Variants in SDK1 observed in about 807,000 individuals in gnomAD.
SDK1 encodes protein sidekick-1.
A neutral mutation model predicts 245.5 loss-of-function variants in SDK1; 157 were observed. That is an observed-to-expected ratio of 0.64 (90% confidence interval 0.56 to 0.73). The LOEUF is 0.73. Among genes scored for constraint, SDK1 ranks in the 30% least tolerant of loss-of-function variants. The pLI is 0.00. For missense variants in SDK1, 3,583 were observed against 3,002.3 expected, an observed-to-expected ratio of 1.19 and a Z score of -4.52; for synonymous variants, 1,647 against 1,278.5, an observed-to-expected ratio of 1.29 and a Z score of -6.15.
intron 5 of SDK1, among the ~76,000 whole-genome samples, chr7:3,862,061 C>T (rs1328366635): frequency 1.3e-5 from 2 of 152,224 alleles, no homozygotes; most frequent in African/African-American, 4.8e-5. Flanking sequence ...GAAAAAGCTC[C>T]TTGCCAATGG....
At chr7:3,987,361 C>T (rs973343223) in intron 14 of SDK1, 39 bp downstream of exon 14, 2 of 1,606,822 alleles carry the variant, frequency 1.2e-6, no homozygotes, top group East Asian at 4.5e-5. Context: ...GGACGATAAT[C>T]AGATTTTTGT....
chr7:3,902,202 A>G (rs1313852343), intron 5 of SDK1, among the ~76,000 whole-genome samples: 1 of 151,986 alleles, frequency 6.6e-6, no homozygotes, highest in African/African-American at 2.4e-5. Context: ...GCGCGTGTGC[A>G]TGTGTGTGTG....
intron 1 of SDK1, among the ~76,000 whole-genome samples, chr7:3,607,701 G>A (rs1196004282): frequency 6.6e-6 from 1 of 152,196 alleles, no homozygotes; most frequent in African/African-American, 2.4e-5. Context: ...ATTTATGTGT[G>A]TTATTTAGAA....
Position 3,866,590 on chromosome 7 carries a change from C to T in SDK1, c.847+45007C>T, listed in dbSNP as rs73312023. Among the ~76,000 whole-genome samples the T allele has an allele frequency of 6.5e-3, 990 of 152,262 alleles. 11 individuals carry two copies. The highest frequency in any genetic ancestry group is 0.022 in the African/African-American group (910 of 41,562). On this transcript the variant is annotated intron_variant, in intron 5 of 44. Coordinates refer to ENST00000404826, the MANE Select transcript of SDK1 (RefSeq NM_152744.4). The stretch of plus-strand genomic sequence containing the variant: ...TGAGGAGAGGCTCTCCAGAACAGTG[C>T]ATGCACGCACTAGTTTTCATGCAAT...
intron 4 of SDK1, among the ~76,000 whole-genome samples, chr7:3,714,565 T>C (rs957057115): frequency 1.3e-5 from 2 of 152,238 alleles, no homozygotes; most frequent in African/African-American, 4.8e-5. Context: ...AGTGGTGATA[T>C]TAGCATTACT....
chr7:3,619,319 A>C (rs1195744155), intron 2 of SDK1, 80 bp downstream of exon 2: 10 of 1,157,536 alleles, frequency 8.6e-6, no homozygotes, highest in Non-Finnish European at 1.2e-5. Context: ...ATAATAGCAC[A>C]ATGAGTGAAA....
chr7:3,701,794 G>T (rs1276652994), intron 4 of SDK1, among the ~76,000 whole-genome samples: 2 of 152,012 alleles, frequency 1.3e-5, no homozygotes, highest in Admixed American at 6.6e-5. Context: ...CAATGGAACA[G>T]AATGGGGAAC....
At chr7:4,155,241 C>T (rs146885644) in intron 30 of SDK1, among the ~76,000 whole-genome samples, 70 of 151,894 alleles carry the variant, frequency 4.6e-4, no homozygotes, top group African/African-American at 1.6e-3. Context: ...CCCCCAGATC[C>T]GCATTTTGTG....
At chr7:3,930,053 C>G (rs1779918047) in intron 5 of SDK1, among the ~76,000 whole-genome samples, 1 of 152,160 alleles carries the variant, frequency 6.6e-6, no homozygotes, top group African/African-American at 2.4e-5. Context: ...GCCCACCCAG[C>G]ACAGAACTTC....
chr7:3,377,455 G>C (rs1372716479), intron 1 of SDK1, among the ~76,000 whole-genome samples: 1 of 152,236 alleles, frequency 6.6e-6, no homozygotes, highest in South Asian at 2.1e-4. Flanking sequence ...AAGCTTCCCC[G>C]TGGGGTGCTG....
chr7:3,541,358 C>G (rs1187540601), intron 1 of SDK1, among the ~76,000 whole-genome samples: 1 of 152,234 alleles, frequency 6.6e-6, no homozygotes, highest in African/African-American at 2.4e-5. Flanking sequence ...TTCTTACATG[C>G]AGAGGAGGGC....
chr7:3,473,646 C>A (rs150467080), intron 1 of SDK1, among the ~76,000 whole-genome samples: 91 of 151,958 alleles, frequency 6.0e-4, no homozygotes, highest in African/African-American at 2.1e-3. Flanking sequence ...CCTTTTATTT[C>A]CTGGGTCCAG....
chr7:3,431,806 C>T (rs1237976172), intron 1 of SDK1, among the ~76,000 whole-genome samples: 1 of 152,008 alleles, frequency 6.6e-6, no homozygotes, highest in South Asian at 2.1e-4. Context: ...CTGATAGAAA[C>T]ATAGGTGCAT....
At chr7:3,322,787 C>G (rs1218121233) in intron 1 of SDK1, among the ~76,000 whole-genome samples, 3 of 152,104 alleles carry the variant, frequency 2.0e-5, no homozygotes, top group Admixed American at 6.5e-5. Flanking sequence ...TTCTCTTCAC[C>G]TAATGTGTTG....
At chr7:3,690,455 A>G (rs1222850317) in intron 4 of SDK1, among the ~76,000 whole-genome samples, 2 of 152,154 alleles carry the variant, frequency 1.3e-5, no homozygotes, top group East Asian at 3.8e-4. Context: ...TAATCCTTAC[A>G]TTGTTTCTCT....
At chr7:3,967,111 A>G (rs1782137609) in intron 9 of SDK1, among the ~76,000 whole-genome samples, 1 of 152,126 alleles carries the variant, frequency 6.6e-6, no homozygotes, top group African/African-American at 2.4e-5. Flanking sequence ...GTGACGCTGT[A>G]TTTTCTCTCC....
intron 1 of SDK1, among the ~76,000 whole-genome samples, chr7:3,376,861 T>TC (rs1781368462): frequency 1.3e-5 from 2 of 152,190 alleles, no homozygotes; most frequent in African/African-American, 2.4e-5. Context: ...TTTCTTTTTT[T>TC]CCTCTATTTC....
intron 4 of SDK1, among the ~76,000 whole-genome samples, chr7:3,751,782 C>A (rs1230153729): frequency 6.6e-6 from 1 of 152,272 alleles, no homozygotes; most frequent in East Asian, 1.9e-4. Context: ...TGATTGACAC[C>A]CTTGGGCTCC....
intron 4 of SDK1, among the ~76,000 whole-genome samples, chr7:3,792,723 T>C (rs1778843030): frequency 6.6e-6 from 1 of 150,426 alleles, no homozygotes; most frequent in Admixed American, 6.6e-5. Flanking sequence ...CATCCATCCG[T>C]CTGTCCATCC....
Sources: allele counts gnomAD v4.1 joint callset (sites outside exome capture counted in the v4.1 genomes callset), GRCh38; gene constraint gnomAD v4.1.1; transcripts MANE v1.5; gene names NCBI Gene and HGNC (gene_info 2026-07-23, HGNC 2026-07-21).